Variants in MYRFL observed in about 807,000 individuals in gnomAD.
MYRFL encodes myelin regulatory factor like.
MYRFL carries 88 observed loss-of-function variants against 109.4 expected under a neutral mutation model. The ratio of observed to expected loss-of-function variants is 0.80; its 90% confidence interval spans 0.68 to 0.96. The LOEUF (loss-of-function observed/expected upper bound fraction) is 0.96, where lower values mean the gene tolerates loss of function less well. Ranked by LOEUF, MYRFL falls within the 40% of genes least tolerant of loss-of-function variation. MYRFL has a pLI of 0.00. For missense variants in MYRFL, 957 were observed against 954.9 expected (o/e 1.00, Z -0.03); for synonymous variants, 324 against 320.9 (o/e 1.01, Z -0.10).
chr12:69,903,596 T>G lies in MYRFL; in HGVS notation c.1183-48T>G, dbSNP rs1341991860. ...CTCTGAACACTAATGTGATCATCTATTCCTGCTACTGTTACTTTAATTGTA... is the reference window on the plus strand; with the variant it reads ...CTCTGAACACTAATGTGATCATCTAGTCCTGCTACTGTTACTTTAATTGTA... On this transcript the variant is annotated intron_variant, in intron 10 of 24. Coordinates refer to ENST00000552032, the MANE Select transcript of MYRFL (RefSeq NM_182530.3). The G allele has an allele frequency of 5.9e-6, 9 of 1,516,268 alleles. No individual in the cohort carries two copies. In the Admixed American group the frequency reaches 1.2e-4, roughly 20 times the overall value. 93.9% of individuals were successfully genotyped at this position (1,516,268 alleles called of 1,614,324 possible). A position where few individuals can be genotyped will look rare whatever the true frequency, so the allele number is the denominator to read the frequency against.
At chr12:69,911,337 CTTAAA>C (rs1363514583) in intron 13 of MYRFL, among the ~76,000 whole-genome samples, 1 of 152,124 alleles carries the variant, frequency 6.6e-6, no homozygotes, top group East Asian at 1.9e-4. Context: ...GGTAATGCAA[CTTAAA>C]TTATAATTAC....
At chr12:69,913,175 C>T (rs566206404) in intron 13 of MYRFL, among the ~76,000 whole-genome samples, 27 of 152,186 alleles carry the variant, frequency 1.8e-4, no homozygotes, top group African/African-American at 6.0e-4. Flanking sequence ...TGTTAGGTTT[C>T]AGGAATTCTC....
rs570280128 is a variant in MYRFL, at chr12:69,913,630, T to C, written c.1602+2700T>C. Among the ~76,000 whole-genome samples the C allele has an allele frequency of 1.6e-4, 24 of 152,350 alleles. 1 individual carries two copies. The highest frequency in any genetic ancestry group is 5.5e-4 in the African/African-American group (23 of 41,584). The stretch of plus-strand genomic sequence containing the variant: ...TATATGTGAGAGTTTATTTCTGTGC[T>C]GTTTATTATATTCCATTTGTCTGTA... On this transcript the variant is annotated intron_variant, in intron 13 of 24. Coordinates refer to ENST00000552032, the MANE Select transcript of MYRFL (RefSeq NM_182530.3).
At chr12:69,955,517 C>A in intron 22 of MYRFL, 80 bp downstream of exon 22, 1 of 551,144 alleles carries the variant, frequency 1.8e-6, no homozygotes, top group South Asian at 2.6e-5. Flanking sequence ...ACAATTTGGT[C>A]AGTCGTTAAG....
intron 13 of MYRFL, among the ~76,000 whole-genome samples, chr12:69,916,419 C>G (rs1208137613): frequency 6.6e-6 from 1 of 152,124 alleles, no homozygotes; most frequent in Non-Finnish European, 1.5e-5. Context: ...CAAGGGAGGA[C>G]AGATGGCTTC....
At position 69,936,630 on chromosome 12, in the gene MYRFL, C is replaced by T; in HGVS notation, c.2222C>T (p.Ser741Leu). Residue 741 changes from serine to leucine, a missense_variant and splice_region_variant, in exon 19 of 25, where the codon TCA (serine) becomes TTA (leucine). Ser to Leu is a moderately radical substitution (Grantham distance 145). Coordinates refer to ENST00000552032, the MANE Select transcript of MYRFL (RefSeq NM_182530.3). ...EEKEFHQRRW[S>L]EDKSKSVLAR... ...AAGGAATTCCATCAGAGGCGATGGT[C>T]AGGTAAATGATGTTCAAAGAGAAAC... 2.0e-6 allele frequency: 3 copies of T among 1,521,734 alleles called. No individual in the cohort carries two copies. The highest frequency in any genetic ancestry group is 2.6e-6 in the Non-Finnish European group (3 of 1,138,550). 94.3% of individuals were successfully genotyped at this position (1,521,734 alleles called of 1,614,324 possible). A position where few individuals can be genotyped will look rare whatever the true frequency, so the allele number is the denominator to read the frequency against.
At chr12:69,889,191 C>T (rs2136337120) in intron 6 of MYRFL, among the ~76,000 whole-genome samples, 1 of 151,912 alleles carries the variant, frequency 6.6e-6, no homozygotes, top group Middle Eastern at 3.4e-3. Context: ...GTAATGCCCT[C>T]CTCTGCTTGC....
At chr12:69,947,937 T>G (rs985408073) in intron 19 of MYRFL, among the ~76,000 whole-genome samples, 3 of 152,218 alleles carry the variant, frequency 2.0e-5, no homozygotes, top group African/African-American at 4.8e-5. Flanking sequence ...ATGCTTTTTT[T>G]GGGCACCATC....
intron 19 of MYRFL, among the ~76,000 whole-genome samples, chr12:69,941,884 C>T (rs1380645252): frequency 3.3e-5 from 5 of 149,688 alleles, no homozygotes; most frequent in South Asian, 4.2e-4. Flanking sequence ...ATACAAACTA[C>T]CATCAGAGAA....
intron 19 of MYRFL, among the ~76,000 whole-genome samples, 175 bp from the exon 20 acceptor site, chr12:69,951,938 G>A (rs1262390653): frequency 6.6e-6 from 1 of 152,180 alleles, no homozygotes; most frequent in African/African-American, 2.4e-5. Context: ...TCTTGCAGAA[G>A]GAGGAGAATA....
intron 1 of MYRFL, among the ~76,000 whole-genome samples, chr12:69,836,158 G>C (rs554450069): frequency 6.6e-6 from 1 of 152,204 alleles, no homozygotes. Context: ...GCCAAATTCC[G>C]TGTGCTTCTG....
chr12:69,872,257 C>T (rs1200906812), intron 2 of MYRFL, among the ~76,000 whole-genome samples: 1 of 152,146 alleles, frequency 6.6e-6, no homozygotes, highest in Admixed American at 6.5e-5. Context: ...TTATCTGTGT[C>T]TTTATATTTC....
At position 69,958,308 on chromosome 12, in the gene MYRFL, C is replaced by T. The variant is rs1032578537; in HGVS notation, c.2631C>T (p.Phe877=). 2.0e-6 allele frequency: 3 copies of T among 1,536,372 alleles called. No individual in the cohort carries two copies. In the African/African-American group the frequency reaches 4.1e-5, roughly 21 times the overall value. ...CATTTTCTGACAGCATGTTCCATTT[C>T]CGTGTAGCTGCACCGGTAAGCTTGC... ...VAPFSDSMFH[F]RVAAPDLADC... The change falls in exon 24 of 25, where the codon TTC becomes TTT. Residue 877 remains phenylalanine, a synonymous_variant. Transcript: ENST00000552032.
At chr12:69,940,215 C>T (rs1439973062) in intron 19 of MYRFL, among the ~76,000 whole-genome samples, 3 of 151,908 alleles carry the variant, frequency 2.0e-5, no homozygotes, top group Non-Finnish European at 4.4e-5. Flanking sequence ...CACAAAGATA[C>T]TCCTCGAGAA....
Position 69,926,698 on chromosome 12 carries a change from G to T in MYRFL, c.1730G>T (p.Ser577Ile), listed in dbSNP as rs1031480459. ...RKLARLKRLS[S>I]WKSSASEAST... ...CTGGCCCGGCTAAAGCGGCTCAGTAGTTGGAAGTCATCAGCCAGTGAAGCA... is the reference window on the plus strand; with the variant it reads ...CTGGCCCGGCTAAAGCGGCTCAGTATTTGGAAGTCATCAGCCAGTGAAGCA... Residue 577 changes from serine to isoleucine, a missense_variant, in exon 14 of 25, where the codon AGT becomes ATT. Ser to Ile is a moderately radical substitution (Grantham distance 142). Coordinates refer to ENST00000552032, the MANE Select transcript of MYRFL (RefSeq NM_182530.3). The T allele has an allele frequency of 6.6e-7, 1 of 1,512,600 alleles. No homozygotes were observed. Among genetic ancestry groups the T allele is most frequent in the African/African-American group, 1.4e-5 (1 of 72,372 alleles). 93.7% of individuals were successfully genotyped at this position (1,512,600 alleles called of 1,614,324 possible).
chr12:69,867,265 G>GA (rs1191425756), intron 2 of MYRFL, among the ~76,000 whole-genome samples: 2 of 152,208 alleles, frequency 1.3e-5, no homozygotes, highest in African/African-American at 4.8e-5. Flanking sequence ...GCTGCTTTGA[G>GA]AGGGGGAGAT....
chr12:69,880,761 T>C (rs193091711), intron 5 of MYRFL, among the ~76,000 whole-genome samples: 1 of 152,340 alleles, frequency 6.6e-6, no homozygotes, highest in Admixed American at 6.5e-5. Context: ...ATGGCGATGC[T>C]ACTGGCTCAT....
chr12:69,931,533 A>G (rs1955267726), intron 15 of MYRFL, among the ~76,000 whole-genome samples: 2 of 152,196 alleles, frequency 1.3e-5, no homozygotes, highest in Admixed American at 6.5e-5. Flanking sequence ...AAATTAAGCC[A>G]AGAACCAATT....
At chr12:69,878,369 T>C (rs77358959) in intron 2 of MYRFL, among the ~76,000 whole-genome samples, 7,555 of 152,186 alleles carry the variant, frequency 0.05, 179 homozygotes, top group South Asian at 0.075. Flanking sequence ...TTGGGATCCC[T>C]TTGCGCCCAG....
Sources: gnomAD v4.1 joint callset for allele counts (sites outside exome capture counted in the v4.1 genomes callset) on GRCh38, gnomAD v4.1.1 for gene constraint, MANE v1.5 for transcripts, NCBI Gene and HGNC (gene_info 2026-07-23, HGNC 2026-07-21) for gene names.